GATAD2A: variants seen among roughly 807,000 people sequenced by gnomAD.
The protein encoded by GATAD2A is transcriptional repressor p66-alpha.
A neutral mutation model predicts 68.5 loss-of-function variants in GATAD2A; 12 were observed. The observed-to-expected ratio is 0.18, with a 90% CI of 0.11 to 0.28. GATAD2A has a LOEUF of 0.28. Among genes scored for constraint, GATAD2A ranks in the 10% least tolerant of loss-of-function variants. GATAD2A has a pLI of 1.00. For synonymous variants in GATAD2A, 410 were observed against 375.3 expected (o/e 1.09, Z -1.07); for missense variants, 755 against 868.5 (o/e 0.87, Z 1.64).
At chr19:19,414,077 C>T (rs762117370) in intron 1 of GATAD2A, among the ~76,000 whole-genome samples, 6 of 152,058 alleles carry the variant, frequency 3.9e-5, no homozygotes, top group Non-Finnish European at 8.8e-5. Flanking sequence ...GGGGTGGGAG[C>T]CTCAGATGTT....
chr19:19,416,825 C>T (rs1447598627), intron 1 of GATAD2A, among the ~76,000 whole-genome samples: 1 of 151,634 alleles, frequency 6.6e-6, no homozygotes, highest in South Asian at 2.1e-4. Flanking sequence ...TGCAATGGCT[C>T]TATCTTGGCT....
In GATAD2A at chr19:19,494,159, A is replaced by T. The variant is rs530750044; in HGVS notation, c.535-135A>T. The stretch of plus-strand genomic sequence containing the variant: ...GGGGTCACTTTCAGCCTTCAAGCAG[A>T]ACCTCTGAGCGCCTGATGCCGTAGA... On this transcript the variant is annotated intron_variant, in intron 4 of 11. Transcript: ENST00000683918. 3.1e-5 allele frequency: 18 copies of T among 582,494 alleles called. No individual in the cohort carries two copies. The East Asian group carries it at 5.2e-4, about 17-fold the overall frequency. The allele number at this position is 582,494 out of a possible 1,614,324, so 36.1% of individuals were successfully genotyped here.
At chr19:19,401,042 C>T (rs1024241460), upstream of GATAD2A, among the ~76,000 whole-genome samples, 19 of 148,598 alleles carry the variant, frequency 1.3e-4, no homozygotes, top group South Asian at 1.7e-3. Flanking sequence ...CCAGAGGCTG[C>T]GGCACAAGAA....
intron 1 of GATAD2A, among the ~76,000 whole-genome samples, chr19:19,408,162 T>G (rs939235471): frequency 2.0e-5 from 3 of 152,158 alleles, no homozygotes; most frequent in African/African-American, 7.2e-5. Context: ...AAGTTTTGTA[T>G]TTTTAGTAGA....
chr19:19,419,738 A>ACTCCTGACCT (rs901373967), intron 1 of GATAD2A, among the ~76,000 whole-genome samples: 2 of 150,848 alleles, frequency 1.3e-5, no homozygotes, highest in African/African-American at 4.9e-5. Context: ...CTGGTCTTGA[A>ACTCCTGACCT]CTCCTGACCT....
intron 1 of GATAD2A, among the ~76,000 whole-genome samples, chr19:19,435,555 A>G (rs1250672115): frequency 6.6e-6 from 1 of 152,174 alleles, no homozygotes; most frequent in East Asian, 1.9e-4. Context: ...TTACTATTAT[A>G]ATAAAAACCC....
At chr19:19,404,918 A>AT (rs1020104132), upstream of GATAD2A, among the ~76,000 whole-genome samples, 3 of 152,058 alleles carry the variant, frequency 2.0e-5, no homozygotes, top group African/African-American at 7.3e-5. Flanking sequence ...CTTGTGGTAG[A>AT]TTTTCCATGA....
intron 1 of GATAD2A, chr19:19,457,146 T>C: frequency 1.0e-6 from 1 of 985,402 alleles, no homozygotes. Context: ...ACACCTGCTC[T>C]GTGACTGACA....
intron 1 of GATAD2A, among the ~76,000 whole-genome samples, chr19:19,452,504 A>G (rs2056495168): frequency 1.3e-5 from 2 of 152,070 alleles, no homozygotes; most frequent in Non-Finnish European, 2.9e-5. Flanking sequence ...ACCAGGCAGA[A>G]GGCTTAGAGA....
At chr19:19,423,622 A>G (rs1158442349) in intron 1 of GATAD2A, among the ~76,000 whole-genome samples, 3 of 152,218 alleles carry the variant, frequency 2.0e-5, no homozygotes, top group African/African-American at 7.2e-5. Flanking sequence ...GAATTTACCG[A>G]ATTGACTGTT....
At chr19:19,442,354 C>T (rs959771455) in intron 1 of GATAD2A, among the ~76,000 whole-genome samples, 52 of 151,428 alleles carry the variant, frequency 3.4e-4, no homozygotes, top group African/African-American at 1.3e-3. Context: ...GGCTGGATGC[C>T]GTGGCTCACA....
chr19:19,419,234 T>G lies in GATAD2A; in HGVS notation c.-7+13215T>G, dbSNP rs186271268. On this transcript the variant is annotated intron_variant, in intron 1 of 11. Coordinates refer to ENST00000683918, the MANE Select transcript of GATAD2A (RefSeq NM_001384528.1). ...GCCCTAAGCATGTAGTTGGCATGCATGTGTGTCACAATGAAAATGAAGATG... is the reference window on the plus strand; with the variant it reads ...GCCCTAAGCATGTAGTTGGCATGCAGGTGTGTCACAATGAAAATGAAGATG... Among the ~76,000 whole-genome samples the G allele has an allele frequency of 4.6e-5, 7 of 152,360 alleles. No homozygotes were observed. In the East Asian group the frequency reaches 1.4e-3, roughly 29 times the overall value.
chr19:19,492,107 T>G (rs2059833838), intron 2 of GATAD2A, among the ~76,000 whole-genome samples, 199 bp from the exon 3 acceptor site: 1 of 152,158 alleles, frequency 6.6e-6, no homozygotes, highest in Non-Finnish European at 1.5e-5. Flanking sequence ...ACCTGGGCAC[T>G]GGGATTGGGT....
intron 6 of GATAD2A, 34 bp downstream of exon 6, chr19:19,495,919 C>T (rs767937277): frequency 1.9e-6 from 3 of 1,599,686 alleles, no homozygotes; most frequent in Non-Finnish European, 2.6e-6. Context: ...GGAGACCTGG[C>T]AGCCTCAGCA....
intron 11 of GATAD2A, among the ~76,000 whole-genome samples, 164 bp downstream of exon 11, chr19:19,502,690 C>T (rs540684860): frequency 1.9e-4 from 29 of 152,310 alleles, no homozygotes; most frequent in African/African-American, 6.5e-4. Flanking sequence ...ACCAGGATAC[C>T]CTGAAGAAGT....
chr19:19,464,998 C>T (rs1490002931), intron 1 of GATAD2A: 7 of 370,966 alleles, frequency 1.9e-5, no homozygotes, highest in Non-Finnish European at 3.0e-5. Context: ...AACTTTTCCT[C>T]TGTTTGCTGT....
chr19:19,386,522 C>G (rs953363461), intron 1 of GATAD2A, among the ~76,000 whole-genome samples: 1 of 151,826 alleles, frequency 6.6e-6, no homozygotes, highest in Non-Finnish European at 1.5e-5. Flanking sequence ...GGACCCTTGC[C>G]TCTCTAGGGG....
chr19:19,425,782 TTTC>T (rs772071832), intron 1 of GATAD2A, among the ~76,000 whole-genome samples: 20 of 151,490 alleles, frequency 1.3e-4, no homozygotes, highest in Admixed American at 5.9e-4. Flanking sequence ...TGGTTTTCTT[TTTC>T]TTTTCTTTTC....
In GATAD2A at chr19:19,494,193, A is replaced by T. The variant is rs1028704877; in HGVS notation, c.535-101A>T. 2.1e-5 allele frequency: 13 copies of T among 629,290 alleles called. No homozygotes were observed. The Admixed American group carries it at 3.5e-4, about 17-fold the overall frequency. 39.0% of individuals were successfully genotyped at this position (629,290 alleles called of 1,614,324 possible). A position where few individuals can be genotyped will look rare whatever the true frequency, so the allele number is the denominator to read the frequency against. On this transcript the variant is annotated intron_variant, in intron 4 of 11. Coordinates refer to ENST00000683918, the MANE Select transcript of GATAD2A (RefSeq NM_001384528.1). ...GCGCCTGATGCCGTAGAGGAGGAAG[A>T]CAGTCAGTCCTCTTCGGCAGCATTA... is the stretch of plus-strand genomic sequence containing the variant.
Sources: allele counts gnomAD v4.1 joint callset (sites outside exome capture counted in the v4.1 genomes callset), GRCh38; gene constraint gnomAD v4.1.1; transcripts MANE v1.5; gene names NCBI Gene and HGNC (gene_info 2026-07-23, HGNC 2026-07-21).